NAALADL2: variants seen among roughly 807,000 people sequenced by gnomAD.
The protein encoded by NAALADL2 is inactive N-acetylated-alpha-linked acidic dipeptidase-like protein 2.
Under a neutral mutation model 87.2 loss-of-function variants are expected in NAALADL2, and 76 were observed. The ratio of observed to expected loss-of-function variants is 0.87; its 90% CI spans 0.72 to 1.05. The LOEUF is 1.05. Among genes scored for constraint, NAALADL2 ranks in the 50% least tolerant of loss-of-function variants. The pLI is 0.00. For synonymous variants in NAALADL2, 354 were observed against 331.0 expected (o/e 1.07, Z -0.75); for missense variants, 1,089 against 945.8 (o/e 1.15, Z -1.99).
At chr3:174,844,874 T>C (rs1189737029) in intron 3 of NAALADL2, among the ~76,000 whole-genome samples, 2 of 136,612 alleles carry the variant, frequency 1.5e-5, no homozygotes, top group Non-Finnish European at 3.1e-5. Context: ...GGGGAGTCTT[T>C]AGGGTTTTTT....
intron 1 of NAALADL2, among the ~76,000 whole-genome samples, chr3:174,951,688 T>A (rs2108512797): frequency 6.6e-6 from 1 of 152,236 alleles, no homozygotes; most frequent in Admixed American, 6.5e-5. Context: ...TTAAATGTTG[T>A]AATCAATATA....
chr3:175,054,833 T>A (rs1200421400), intron 1 of NAALADL2, among the ~76,000 whole-genome samples: 2 of 152,222 alleles, frequency 1.3e-5, no homozygotes, highest in African/African-American at 4.8e-5. Flanking sequence ...GCTGTATAAC[T>A]GCTCTGGAAT....
intron 1 of NAALADL2, among the ~76,000 whole-genome samples, chr3:174,977,669 C>T (rs559132936): frequency 1.3e-5 from 2 of 152,188 alleles, no homozygotes; most frequent in Middle Eastern, 3.4e-3. Context: ...TCCTTCCATA[C>T]CAGGATGGAA....
chr3:174,748,844 T>G (rs1472741542), intron 3 of NAALADL2, among the ~76,000 whole-genome samples: 1 of 152,188 alleles, frequency 6.6e-6, no homozygotes, highest in African/African-American at 2.4e-5. Flanking sequence ...TTACCAACAT[T>G]TTCTTATTTG....
At chr3:175,473,461 G>A (rs1251638998) in intron 9 of NAALADL2, among the ~76,000 whole-genome samples, 2 of 151,684 alleles carry the variant, frequency 1.3e-5, no homozygotes, top group Non-Finnish European at 2.9e-5. Flanking sequence ...CAATTTAGAA[G>A]GTTAGGAATA....
rs374908211 is a variant in NAALADL2 at position 175,285,302 on chromosome 3, T to C, written c.939+28772T>C. Among the ~76,000 whole-genome samples the C allele has an allele frequency of 4.1e-4, 62 of 152,294 alleles. No individual in the cohort carries two copies. In the South Asian group the frequency reaches 0.013, roughly 31 times the overall value. On this transcript the variant is annotated intron_variant, in intron 4 of 13. Coordinates refer to ENST00000454872, the MANE Select transcript of NAALADL2 (RefSeq NM_207015.3). ...GCACCTGCTGTACCACATGTTACAA[T>C]AGGTACATTGCACAGAATACTTCAT...
intron 5 of NAALADL2, among the ~76,000 whole-genome samples, chr3:175,372,031 T>G (rs1237363369): frequency 1.3e-5 from 2 of 152,184 alleles, no homozygotes; most frequent in East Asian, 1.9e-4. Flanking sequence ...ACAAATATAA[T>G]TACTCTAAAA....
chr3:174,824,759 T>A (rs773514420), intron 3 of NAALADL2, among the ~76,000 whole-genome samples: 1 of 152,216 alleles, frequency 6.6e-6, no homozygotes, highest in Admixed American at 6.5e-5. Flanking sequence ...ACATTCATTA[T>A]GTCTGTGCTT....
chr3:174,628,305 G>C (rs772043641), intron 2 of NAALADL2, among the ~76,000 whole-genome samples: 1 of 151,496 alleles, frequency 6.6e-6, no homozygotes, highest in Non-Finnish European at 1.5e-5. Flanking sequence ...GTGAAATCCC[G>C]TCTCTATTAA....
At chr3:175,007,426 G>A in intron 1 of NAALADL2, among the ~76,000 whole-genome samples, 1 of 152,128 alleles carries the variant, frequency 6.6e-6, no homozygotes, top group East Asian at 1.9e-4. Flanking sequence ...TCAGGCATGG[G>A]AGTAGAGTTG....
At chr3:175,172,613 G>A (rs542598067) in intron 2 of NAALADL2, among the ~76,000 whole-genome samples, 2 of 152,140 alleles carry the variant, frequency 1.3e-5, no homozygotes, top group South Asian at 4.1e-4. Context: ...ACTCTTGCAA[G>A]AAAAGTAAGA....
chr3:175,674,040 C>A (rs965005299), intron 11 of NAALADL2, among the ~76,000 whole-genome samples: 4 of 151,944 alleles, frequency 2.6e-5, no homozygotes, highest in African/African-American at 9.7e-5. Context: ...AAATGGAGAT[C>A]CTAGATTCAT....
At chr3:175,441,103 T>G (rs1157690273) in intron 5 of NAALADL2, among the ~76,000 whole-genome samples, 1 of 152,070 alleles carries the variant, frequency 6.6e-6, no homozygotes, top group African/African-American at 2.4e-5. Context: ...CTATATAAAT[T>G]ACACTATAAA....
intron 5 of NAALADL2, among the ~76,000 whole-genome samples, chr3:175,394,216 C>A (rs780691087): frequency 2.6e-5 from 4 of 151,912 alleles, no homozygotes; most frequent in Non-Finnish European, 5.9e-5. Context: ...CAAATGAAAT[C>A]AATGATGGTT....
chr3:174,915,707 T>C (rs897915836), intron 1 of NAALADL2, among the ~76,000 whole-genome samples: 4 of 152,302 alleles, frequency 2.6e-5, no homozygotes, highest in South Asian at 2.1e-4. Flanking sequence ...CGTAAGCTAA[T>C]TTTCACCCAA....
chr3:175,471,599 T>C, intron 8 of NAALADL2, 40 bp from the exon 9 acceptor site: 1 of 1,146,234 alleles, frequency 8.7e-7, no homozygotes, highest in Non-Finnish European at 1.3e-6. Flanking sequence ...AATCTATTTA[T>C]TTGTCTTACA....
intron 11 of NAALADL2, among the ~76,000 whole-genome samples, chr3:175,631,787 G>A (rs1356686212): frequency 6.6e-6 from 1 of 151,898 alleles, no homozygotes. Flanking sequence ...AAATGGCCAT[G>A]TATTCATGTT....
chr3:175,747,449 G>C (rs1746072754), intron 12 of NAALADL2, among the ~76,000 whole-genome samples: 1 of 151,900 alleles, frequency 6.6e-6, no homozygotes, highest in Non-Finnish European at 1.5e-5. Context: ...TTTTCCCTAA[G>C]GTGTATTTTT....
intron 11 of NAALADL2, among the ~76,000 whole-genome samples, chr3:175,707,091 A>C (rs1739825362): frequency 2.0e-5 from 3 of 152,088 alleles, no homozygotes; most frequent in Non-Finnish European, 4.4e-5. Flanking sequence ...CATTGTGATA[A>C]TTTTTATTAT....
Sources: gnomAD v4.1 joint callset for allele counts (sites outside exome capture counted in the v4.1 genomes callset) on GRCh38, gnomAD v4.1.1 for gene constraint, MANE v1.5 for transcripts, NCBI Gene and HGNC (gene_info 2026-07-23, HGNC 2026-07-21) for gene names.